The following SCAI variants were observed in gnomAD, a reference collection of about 807,000 sequenced individuals.
SCAI encodes the protein suppressor of cancer cell invasion.
A neutral mutation model predicts 92.2 loss-of-function variants in SCAI; 24 were observed. The ratio of observed to expected loss-of-function variants is 0.26; its 90% CI spans 0.19 to 0.37. The LOEUF is 0.37. Ranked by LOEUF, SCAI falls within the 10% of genes least tolerant of loss-of-function variation. The pLI, the probability that SCAI is intolerant of heterozygous loss-of-function variation, is 1.00. For synonymous variants in SCAI, 261 were observed against 258.6 expected, an observed-to-expected ratio of 1.01 and a Z score of -0.09; for missense variants, 450 against 736.2, an observed-to-expected ratio of 0.61 and a Z score of 4.50.
chr9:125,112,474 G>A (rs1336950904), intron 2 of SCAI, among the ~76,000 whole-genome samples: 1 of 152,166 alleles, frequency 6.6e-6, no homozygotes, highest in African/African-American at 2.4e-5. Flanking sequence ...TAACCGGCCA[G>A]ATAATAAATA....
intron 2 of SCAI, among the ~76,000 whole-genome samples, chr9:125,136,993 G>A (rs1835549515): frequency 1.3e-5 from 2 of 151,932 alleles, no homozygotes; most frequent in East Asian, 1.9e-4. Context: ...TCCTGACCTT[G>A]TGATCCACCC....
Position 125,142,635 on chromosome 9 carries a change from G to A in SCAI, c.96C>T (p.Ser32=). ...TVEKPPRKRR[S]RTEFALKEIM... is the part of the protein sequence containing the mutation. Reference sequence around the variant, plus strand: ...AAAATAGGAAGGCACTGCCTTACCTGCTTCTCCGTTTTCGAGGCGGTTTCT... The same window carrying A: ...AAAATAGGAAGGCACTGCCTTACCTACTTCTCCGTTTTCGAGGCGGTTTCT... The change falls in exon 2 of 18, where the codon AGC becomes AGT. Residue 32 remains serine, a splice_region_variant and synonymous_variant. Coordinates refer to ENST00000336505, the MANE Select transcript of SCAI (RefSeq NM_001144877.3). The A allele has an allele frequency of 6.2e-7, 1 of 1,613,456 alleles. No individual in the cohort carries two copies. Among genetic ancestry groups the A allele is most frequent in the Middle Eastern group, 1.7e-4 (1 of 6,060 alleles).
At chr9:125,096,618 C>A (rs1157933036) in intron 2 of SCAI, among the ~76,000 whole-genome samples, 1 of 152,156 alleles carries the variant, frequency 6.6e-6, no homozygotes, top group Non-Finnish European at 1.5e-5. Context: ...GTCCCCAGTC[C>A]TACTTTCCCA....
rs1831249383 is a variant in SCAI at position 124,952,654 on chromosome 9, G to A, written c.*153C>T. 1.7e-6 allele frequency: 1 copy of A among 590,700 alleles called. No individual in the cohort carries two copies. Among genetic ancestry groups the A allele is most frequent in the South Asian group, 2.6e-5 (1 of 37,854 alleles). The allele number at this position is 590,700 out of a possible 1,614,324, so 36.6% of individuals were successfully genotyped here. On this transcript the variant is annotated 3_prime_UTR_variant, in exon 18 of 18. Transcript: ENST00000336505. ...GCATTTTAAAACAGTTACCCTAAAAGTGTGAACATTTTTTTGTTTGTTTTT... is the reference window on the plus strand; with the variant it reads ...GCATTTTAAAACAGTTACCCTAAAAATGTGAACATTTTTTTGTTTGTTTTT...
chr9:125,106,271 A>T (rs1002375473), intron 2 of SCAI, among the ~76,000 whole-genome samples: 2 of 138,384 alleles, frequency 1.4e-5, no homozygotes, highest in African/African-American at 5.3e-5. Context: ...AAAGCATGAT[A>T]AAAAAAAAAC....
chr9:124,986,215 C>A (rs1050253373), intron 14 of SCAI, among the ~76,000 whole-genome samples: 1 of 151,006 alleles, frequency 6.6e-6, no homozygotes, highest in Non-Finnish European at 1.5e-5. Flanking sequence ...CGTTTGAACC[C>A]GGGAGGCGGA....
At chr9:125,046,196 G>GAGATATAT (rs371482525) in intron 3 of SCAI, among the ~76,000 whole-genome samples, 4 of 51,880 alleles carry the variant, frequency 7.7e-5, no homozygotes, top group African/African-American at 3.0e-4. Context: ...GAAATTGTGA[G>GAGATATAT]ATATATATAT....
intron 2 of SCAI, among the ~76,000 whole-genome samples, chr9:125,136,325 G>A (rs1835526617): frequency 6.6e-6 from 1 of 151,554 alleles, no homozygotes; most frequent in Non-Finnish European, 1.5e-5. Flanking sequence ...TGCCCAGACT[G>A]GTCTTGAACT....
At chr9:125,021,964 T>C (rs190585358) in intron 6 of SCAI, among the ~76,000 whole-genome samples, 21 of 152,312 alleles carry the variant, frequency 1.4e-4, no homozygotes, top group African/African-American at 5.1e-4. Flanking sequence ...ACACACTTTA[T>C]TGAACCTTGT....
chr9:125,136,356 C>T, intron 2 of SCAI, among the ~76,000 whole-genome samples: 1 of 151,608 alleles, frequency 6.6e-6, no homozygotes, highest in Non-Finnish European at 1.5e-5. Context: ...CACCATTCAT[C>T]TGCCTCAATT....
At chr9:125,097,742 TG>T (rs1035419331) in intron 2 of SCAI, among the ~76,000 whole-genome samples, 1 of 151,692 alleles carries the variant, frequency 6.6e-6, no homozygotes, top group African/African-American at 2.4e-5. Flanking sequence ...ACTGGCAAAA[TG>T]CATTCTGGAT....
chr9:125,049,521 GC>G (rs1399665267), intron 3 of SCAI, among the ~76,000 whole-genome samples: 1 of 152,166 alleles, frequency 6.6e-6, no homozygotes, highest in African/African-American at 2.4e-5. Context: ...ACATGCAAGA[GC>G]CATTATATGC....
Position 125,018,888 on chromosome 9 carries a change from C to CA in SCAI, c.771dup (p.Glu258Ter). 6.2e-7 allele frequency: 1 copy of CA among 1,613,986 alleles called. No homozygotes were observed. The stretch of plus-strand genomic sequence containing the variant: ...TGTTCCAGCAATGGGGCTCCTGTTT[C>CA]AGCAAGGCGATTCGATGTGATAACA... On this transcript the variant is annotated frameshift_variant, in exon 9 of 18. Coordinates refer to ENST00000336505, the MANE Select transcript of SCAI (RefSeq NM_001144877.3). LOFTEE classifies it high-confidence loss of function.
chr9:125,117,059 T>C (rs1835059646), intron 2 of SCAI, among the ~76,000 whole-genome samples: 1 of 152,192 alleles, frequency 6.6e-6, no homozygotes, highest in South Asian at 2.1e-4. Context: ...AATTAAATAA[T>C]ACATTCCTAC....
chr9:124,972,702 C>G (rs913367094), intron 15 of SCAI, among the ~76,000 whole-genome samples: 12 of 152,122 alleles, frequency 7.9e-5, no homozygotes, highest in African/African-American at 2.2e-4. Flanking sequence ...TACAAATATG[C>G]TTCTCATCAG....
chr9:124,967,956 G>A (rs2131584956), intron 17 of SCAI, among the ~76,000 whole-genome samples: 1 of 152,322 alleles, frequency 6.6e-6, no homozygotes, highest in South Asian at 2.1e-4. Flanking sequence ...AGAATGAAGA[G>A]TGAAGACAAT....
At chr9:125,040,443 A>G (rs1261745129) in intron 3 of SCAI, among the ~76,000 whole-genome samples, 1 of 152,208 alleles carries the variant, frequency 6.6e-6, no homozygotes, top group African/African-American at 2.4e-5. Flanking sequence ...TTTTACATCA[A>G]TGGGATAAAA....
chr9:124,969,862 T>A (rs1564361136), intron 17 of SCAI, among the ~76,000 whole-genome samples: 2 of 152,192 alleles, frequency 1.3e-5, no homozygotes, highest in South Asian at 2.1e-4. Flanking sequence ...AACATCATTT[T>A]TTTTTTTCCA....
intron 14 of SCAI, among the ~76,000 whole-genome samples, chr9:124,986,414 C>G (rs1831991230): frequency 1.3e-5 from 2 of 152,184 alleles, no homozygotes; most frequent in Admixed American, 1.3e-4. Flanking sequence ...GCAAGTTACA[C>G]ACAGCTGAAG....
Sources: allele counts gnomAD v4.1 joint callset (sites outside exome capture counted in the v4.1 genomes callset), GRCh38; gene constraint gnomAD v4.1.1; transcripts MANE v1.5; gene names NCBI Gene and HGNC (gene_info 2026-07-23, HGNC 2026-07-21).